PRKCA: variants seen among roughly 807,000 people sequenced by gnomAD.
PRKCA encodes the protein protein kinase C alpha type.
PRKCA carries 27 observed loss-of-function variants against 87.0 expected under a neutral mutation model. The observed-to-expected ratio is 0.31, with a 90% CI of 0.23 to 0.43. The LOEUF (loss-of-function observed/expected upper bound fraction) is 0.43. PRKCA is among the 20% of genes least tolerant of loss of function. PRKCA has a pLI of 1.00. For synonymous variants in PRKCA, 329 were observed against 311.1 expected (o/e 1.06, Z -0.61); for missense variants, 518 against 852.3 (o/e 0.61, Z 4.88).
chr17:66,345,554 T>C lies in PRKCA; in HGVS notation c.205+39427T>C, dbSNP rs909637583. ...GGGATGCATTCCCTTCACAAAGTGCTGGAAGCTGGCTTTCCTGGAGCTCCA... is the reference window on the plus strand; with the variant it reads ...GGGATGCATTCCCTTCACAAAGTGCCGGAAGCTGGCTTTCCTGGAGCTCCA... On this transcript the variant is annotated intron_variant, in intron 2 of 16. Transcript: ENST00000413366. Among the ~76,000 whole-genome samples, 5 of 152,208 alleles carry C rather than the reference T, an allele frequency of 3.3e-5. No individual in the cohort carries two copies. In the East Asian group the frequency reaches 9.6e-4, roughly 29 times the overall value.
chr17:66,575,616 T>C (rs1969216900), intron 3 of PRKCA, among the ~76,000 whole-genome samples: 2 of 152,116 alleles, frequency 1.3e-5, no homozygotes, highest in Admixed American at 1.3e-4. Flanking sequence ...ATTTTCCTTT[T>C]AATATATTCA....
At chr17:66,574,118 G>A (rs748713435) in intron 3 of PRKCA, among the ~76,000 whole-genome samples, 7 of 152,154 alleles carry the variant, frequency 4.6e-5, no homozygotes, top group African/African-American at 7.2e-5. Context: ...TGGCCTATAC[G>A]TTGATATGGT....
intron 8 of PRKCA, among the ~76,000 whole-genome samples, chr17:66,728,552 G>A (rs1056705929): frequency 2.6e-5 from 4 of 152,364 alleles, no homozygotes; most frequent in East Asian, 1.9e-4. Context: ...TTGCAAATAA[G>A]TTCAGAAGTA....
chr17:66,480,538 T>A (rs1915734367), intron 2 of PRKCA, among the ~76,000 whole-genome samples: 4 of 152,336 alleles, frequency 2.6e-5, no homozygotes, highest in South Asian at 2.1e-4. Flanking sequence ...AGTTTCCGCA[T>A]GTATTTGTCT....
rs148431006 is a variant in PRKCA at position 66,515,446 on chromosome 17, G to A, written c.288+19163G>A. Reference sequence around the variant, plus strand: ...TACAGGAAGGATTCTGTCACATGACGTCATGACAGGTTTTGAGATACAGTG... The same window carrying A: ...TACAGGAAGGATTCTGTCACATGACATCATGACAGGTTTTGAGATACAGTG... On this transcript the variant is annotated intron_variant, in intron 3 of 16. Transcript: ENST00000413366. Among the ~76,000 whole-genome samples the A allele has an allele frequency of 6.8e-4, 104 of 152,258 alleles. 1 individual carries two copies. The highest frequency in any genetic ancestry group is 2.4e-3 in the African/African-American group (99 of 41,550).
chr17:66,721,624 G>T (rs1309213906), intron 8 of PRKCA, among the ~76,000 whole-genome samples: 1 of 152,066 alleles, frequency 6.6e-6, no homozygotes, highest in Non-Finnish European at 1.5e-5. Flanking sequence ...GACCATCATG[G>T]CACTAGTGGG....
chr17:66,666,222 G>T (rs558269755), intron 5 of PRKCA, among the ~76,000 whole-genome samples: 1 of 152,176 alleles, frequency 6.6e-6, no homozygotes, highest in Non-Finnish European at 1.5e-5. Flanking sequence ...AAACCTGAGG[G>T]GACTCAGAAT....
chr17:66,785,188 T>G (rs2144371781), intron 14 of PRKCA, among the ~76,000 whole-genome samples: 1 of 152,160 alleles, frequency 6.6e-6, no homozygotes, highest in African/African-American at 2.4e-5. Flanking sequence ...TGTCCAGGAC[T>G]GGGCAGGGGA....
At chr17:66,504,514 C>T (rs1395778727) in intron 3 of PRKCA, among the ~76,000 whole-genome samples, 1 of 151,958 alleles carries the variant, frequency 6.6e-6, no homozygotes, top group Non-Finnish European at 1.5e-5. Flanking sequence ...ATTGCCTGAA[C>T]CTGGGAGGCA....
At chr17:66,652,950 C>T (rs1159620545) in intron 5 of PRKCA, among the ~76,000 whole-genome samples, 2 of 152,256 alleles carry the variant, frequency 1.3e-5, no homozygotes, top group African/African-American at 4.8e-5. Context: ...CGCTGTGTTT[C>T]CTTGTGGTTC....
intron 2 of PRKCA, among the ~76,000 whole-genome samples, chr17:66,381,183 C>T (rs113134992): frequency 2.0e-5 from 3 of 152,022 alleles, no homozygotes; most frequent in Admixed American, 6.6e-5. Flanking sequence ...CTCAAGCAGT[C>T]CCCCTGCCTC....
chr17:66,392,323 T>A (rs1910415802), intron 2 of PRKCA, among the ~76,000 whole-genome samples: 1 of 152,098 alleles, frequency 6.6e-6, no homozygotes, highest in African/African-American at 2.4e-5. Flanking sequence ...ATGGAAACAA[T>A]TAGAAATGGT....
chr17:66,373,744 G>A (rs1034643809), intron 2 of PRKCA, among the ~76,000 whole-genome samples: 4 of 152,088 alleles, frequency 2.6e-5, no homozygotes, highest in African/African-American at 9.7e-5. Context: ...GTAGGAAAGC[G>A]GCCATTAAAA....
At chr17:66,493,297 T>TTGTGTGTGTGTGTGTGTGTG (rs61513917) in intron 2 of PRKCA, among the ~76,000 whole-genome samples, 64 of 143,174 alleles carry the variant, frequency 4.5e-4, no homozygotes, top group African/African-American at 1.5e-3. Context: ...GTAGGTATAT[T>TTGTGTGTGTGTGTGTGTGTG]TGTGTGTGTG....
intron 3 of PRKCA, among the ~76,000 whole-genome samples, chr17:66,623,863 G>A (rs533491891): frequency 1.3e-4 from 20 of 152,180 alleles, no homozygotes; most frequent in African/African-American, 4.8e-4. Flanking sequence ...TGGGGTGCCT[G>A]GCTCCAGGCT....
chr17:66,652,145 G>C (rs1335212020), intron 5 of PRKCA, among the ~76,000 whole-genome samples: 2 of 152,060 alleles, frequency 1.3e-5, no homozygotes, highest in African/African-American at 4.8e-5. Context: ...TTTTGGTAGA[G>C]ACAAGGTTCC....
chr17:66,336,612 G>A (rs1446488563), intron 2 of PRKCA, among the ~76,000 whole-genome samples: 1 of 89,932 alleles, frequency 1.1e-5, no homozygotes, highest in East Asian at 3.2e-4. Context: ...GTGGTGGTGG[G>A]GGAGTAATTT....
At chr17:66,431,747 G>A (rs1021590241) in intron 2 of PRKCA, among the ~76,000 whole-genome samples, 1 of 152,114 alleles carries the variant, frequency 6.6e-6, no homozygotes, top group Non-Finnish European at 1.5e-5. Context: ...TTCCTGAGTT[G>A]GACACATTAG....
rs982056675 is a variant in PRKCA, at chr17:66,810,575, C to T, written c.*6538C>T. 4 of 152,146 alleles carry T rather than the reference C, an allele frequency of 2.6e-5. No individual in the cohort carries two copies. The East Asian group carries it at 5.8e-4, about 22-fold the overall frequency. 9.4% of individuals were successfully genotyped at this position (152,146 alleles called of 1,614,324 possible). A position where few individuals can be genotyped will look rare whatever the true frequency, so the allele number is the denominator to read the frequency against. The stretch of plus-strand genomic sequence containing the variant: ...TGACAAAATGTAGAGGCCATTCAAC[C>T]GTCAAACACCATTTGGTTATATCGC... On this transcript the variant is annotated 3_prime_UTR_variant, in exon 17 of 17. Transcript: ENST00000413366.
Sources: gnomAD v4.1 joint callset for allele counts (sites outside exome capture counted in the v4.1 genomes callset) on GRCh38, gnomAD v4.1.1 for gene constraint, MANE v1.5 for transcripts, NCBI Gene and HGNC (gene_info 2026-07-23, HGNC 2026-07-21) for gene names.